The following PDE3A variants were observed in gnomAD, a reference collection of about 807,000 sequenced individuals.
PDE3A encodes the protein cGMP-inhibited 3',5'-cyclic phosphodiesterase 3A.
A neutral mutation model predicts 98.3 loss-of-function variants in PDE3A; 43 were observed. That is an observed-to-expected ratio of 0.44 (90% CI 0.34 to 0.56). PDE3A has a LOEUF of 0.56. Among genes scored for constraint, PDE3A ranks in the 20% least tolerant of loss-of-function variants. PDE3A has a pLI of 0.01. For synonymous variants in PDE3A, 663 were observed against 567.9 expected, an observed-to-expected ratio of 1.17 and a Z score of -2.38; for missense variants, 1,427 against 1,440.7, an observed-to-expected ratio of 0.99 and a Z score of 0.15.
At chr12:20,606,823 A>G (rs1032028131) in intron 2 of PDE3A, among the ~76,000 whole-genome samples, 2 of 144,348 alleles carry the variant, frequency 1.4e-5, no homozygotes, top group Non-Finnish European at 3.0e-5. Context: ...ACGCCATTGC[A>G]CTCCAGCCTG....
At chr12:20,443,897 A>G (rs1287971490) in intron 1 of PDE3A, among the ~76,000 whole-genome samples, 1 of 152,180 alleles carries the variant, frequency 6.6e-6, no homozygotes, top group Non-Finnish European at 1.5e-5. Context: ...TTGAAAGCAC[A>G]ACTGATTTTG....
At chr12:20,666,891 C>T (rs1018624217) in intron 15 of PDE3A, among the ~76,000 whole-genome samples, 2 of 152,180 alleles carry the variant, frequency 1.3e-5, no homozygotes, top group Admixed American at 6.5e-5. Context: ...TATATACCTA[C>T]AAACAGTGTT....
intron 1 of PDE3A, among the ~76,000 whole-genome samples, chr12:20,396,755 C>T (rs1419567590): frequency 6.6e-6 from 1 of 151,916 alleles, no homozygotes. Context: ...ATCTAATGCC[C>T]GTTACCTAAG....
intron 1 of PDE3A, among the ~76,000 whole-genome samples, chr12:20,422,640 T>C (rs1944539324): frequency 6.6e-6 from 1 of 152,216 alleles, no homozygotes; most frequent in Non-Finnish European, 1.5e-5. Flanking sequence ...CAAAGTCACA[T>C]TCTAAAATGT....
chr12:20,574,618 A>G (rs192790099), intron 2 of PDE3A, among the ~76,000 whole-genome samples: 230 of 152,014 alleles, frequency 1.5e-3, no homozygotes, highest in Non-Finnish European at 2.9e-3. Flanking sequence ...CAACATCATC[A>G]TCTTGCTCCC....
chr12:20,636,360 T>C (rs1944514519), intron 8 of PDE3A, among the ~76,000 whole-genome samples: 1 of 152,212 alleles, frequency 6.6e-6, no homozygotes, highest in African/African-American at 2.4e-5. Flanking sequence ...TTACTGTTTG[T>C]ATTTCTAAGT....
chr12:20,476,290 A>G (rs558127081), intron 1 of PDE3A, among the ~76,000 whole-genome samples: 11 of 152,330 alleles, frequency 7.2e-5, no homozygotes, highest in Admixed American at 6.5e-4. Flanking sequence ...TGCCTTGGTA[A>G]TATCTATGCC....
chr12:20,512,469 G>A (rs143332175), intron 1 of PDE3A, among the ~76,000 whole-genome samples: 5 of 152,148 alleles, frequency 3.3e-5, no homozygotes, highest in East Asian at 3.9e-4. Context: ...TAGAGGCCAC[G>A]GAAGCTGATG....
chr12:20,654,659 GCTTTT>G (rs1321643775), intron 15 of PDE3A, among the ~76,000 whole-genome samples: 9 of 132,816 alleles, frequency 6.8e-5, no homozygotes. Context: ...ACTACACCCG[GCTTTT>G]TTTTTTTTTT....
chr12:20,646,549 C>G lies in PDE3A; in HGVS notation c.2311C>G (p.Pro771Ala). The G allele has an allele frequency of 6.2e-7, 1 of 1,610,864 alleles. No individual in the cohort carries two copies. Among genetic ancestry groups the G allele is most frequent in the Non-Finnish European group, 8.5e-7 (1 of 1,177,088 alleles). The change falls in exon 11 of 16, where the codon CCT becomes GCT. Residue 771 changes from proline to alanine, a missense_variant. Physicochemically the swap from Pro to Ala is conservative, Grantham distance 27 (BLOSUM62 -1). Coordinates refer to ENST00000359062, the MANE Select transcript of PDE3A (RefSeq NM_000921.5). ...TGCTGTTTGGTATCTTACTACACAG[C>G]CTATTCCAGGCCTCTCAACTGTGAT... ...LHAVWYLTTQPIPGLSTVIND... is the reference protein window; with the variant it reads ...LHAVWYLTTQAIPGLSTVIND...
intron 2 of PDE3A, among the ~76,000 whole-genome samples, chr12:20,560,616 G>A (rs374899534): frequency 3.4e-4 from 52 of 152,274 alleles, no homozygotes; most frequent in African/African-American, 1.2e-3. Flanking sequence ...GCAGAAAGAG[G>A]TGGCAGCAAG....
At chr12:20,412,261 A>T (rs1469440731) in intron 1 of PDE3A, among the ~76,000 whole-genome samples, 1 of 152,206 alleles carries the variant, frequency 6.6e-6, no homozygotes, top group Non-Finnish European at 1.5e-5. Flanking sequence ...TGGCATTTTA[A>T]TAGTACATGA....
intron 2 of PDE3A, among the ~76,000 whole-genome samples, chr12:20,608,278 G>T (rs1943763740): frequency 6.6e-6 from 1 of 152,124 alleles, no homozygotes; most frequent in African/African-American, 2.4e-5. Context: ...CAAAAAAGTG[G>T]TAATAACTTC....
rs1945987631 is a variant in PDE3A, at chr12:20,687,107, T to C, written c.*6836T>C. On this transcript the variant is annotated 3_prime_UTR_variant, in exon 16 of 16. Transcript: ENST00000359062. ...AAGATTTTCTTTCCGGTAATTTTAC[T>C]CCCTAAAAAAGGCAAAATACTCAGA... Among the ~76,000 whole-genome samples, 1 of 152,090 alleles carries C rather than the reference T, an allele frequency of 6.6e-6. No individual in the cohort carries two copies. The highest frequency in any genetic ancestry group is 1.9e-4 in the East Asian group (1 of 5,194).
chr12:20,551,847 C>T, intron 1 of PDE3A: 1 of 1,613,898 alleles, frequency 6.2e-7, no homozygotes, highest in Admixed American at 1.7e-5. Context: ...GTGTGGGCCG[C>T]ACCAAGGAAT....
At chr12:20,427,133 A>C (rs1944613932) in intron 1 of PDE3A, among the ~76,000 whole-genome samples, 1 of 152,226 alleles carries the variant, frequency 6.6e-6, no homozygotes, top group African/African-American at 2.4e-5. Context: ...TAGGTTCAGC[A>C]GGTAATTAAG....
chr12:20,387,078 G>C (rs572470799), intron 1 of PDE3A, among the ~76,000 whole-genome samples: 1 of 152,110 alleles, frequency 6.6e-6, no homozygotes, highest in South Asian at 2.1e-4. Context: ...AGATCAGATG[G>C]TTGTAGATGT....
chr12:20,417,853 A>G (rs1389075028), intron 1 of PDE3A, among the ~76,000 whole-genome samples: 3 of 152,234 alleles, frequency 2.0e-5, no homozygotes, highest in Non-Finnish European at 4.4e-5. Flanking sequence ...TAAATGAGTT[A>G]ATATAAAGCA....
chr12:20,444,277 G>A (rs527288544), intron 1 of PDE3A, among the ~76,000 whole-genome samples: 1 of 152,098 alleles, frequency 6.6e-6, no homozygotes, highest in South Asian at 2.1e-4. Flanking sequence ...TGTCCATCAC[G>A]AATATCAGTT....
Sources: gnomAD v4.1 joint callset for allele counts (sites outside exome capture counted in the v4.1 genomes callset) on GRCh38, gnomAD v4.1.1 for gene constraint, MANE v1.5 for transcripts, NCBI Gene and HGNC (gene_info 2026-07-23, HGNC 2026-07-21) for gene names.